CACNA2D3: variants seen among roughly 807,000 people sequenced by gnomAD.
CACNA2D3 encodes calcium voltage-gated channel auxiliary subunit alpha2delta 3.
Under a neutral mutation model 160.6 loss-of-function variants are expected in CACNA2D3, and 60 were observed. That is an observed-to-expected ratio of 0.37 (90% CI 0.30 to 0.46). The LOEUF is 0.46. CACNA2D3 is among the 20% of genes least tolerant of loss of function. CACNA2D3 has a pLI of 1.00. For missense variants in CACNA2D3, 1,205 were observed against 1,365.0 expected, an observed-to-expected ratio of 0.88 and a Z score of 1.85; for synonymous variants, 558 against 492.9, an observed-to-expected ratio of 1.13 and a Z score of -1.75.
chr3:54,151,274 G>GATGA (rs1302073658), intron 2 of CACNA2D3, among the ~76,000 whole-genome samples: 2 of 151,958 alleles, frequency 1.3e-5, no homozygotes, highest in African/African-American at 2.4e-5. Context: ...TGGGTGAATA[G>GATGA]ATGAATGAAT....
intron 35 of CACNA2D3, among the ~76,000 whole-genome samples, chr3:55,029,240 G>A (rs1177766952): frequency 6.6e-6 from 1 of 152,096 alleles, no homozygotes; most frequent in African/African-American, 2.4e-5. Flanking sequence ...ACTGAACTAT[G>A]GTCTGGGCTA....
chr3:54,370,608 G>T (rs1698909505), intron 3 of CACNA2D3, among the ~76,000 whole-genome samples: 1 of 152,158 alleles, frequency 6.6e-6, no homozygotes, highest in South Asian at 2.1e-4. Flanking sequence ...TACCCACTAA[G>T]TTATTGGTGG....
chr3:54,427,595 G>C (rs1023613189), intron 4 of CACNA2D3, among the ~76,000 whole-genome samples: 5 of 152,194 alleles, frequency 3.3e-5, no homozygotes, highest in Admixed American at 1.3e-4. Flanking sequence ...TGTGCCTCCT[G>C]TATTTTTATT....
Position 54,955,837 on chromosome 3 carries a change from C to T in CACNA2D3, c.2450-12613C>T, listed in dbSNP as rs763182098. On this transcript the variant is annotated intron_variant, in intron 27 of 37. Coordinates refer to ENST00000474759, the MANE Select transcript of CACNA2D3 (RefSeq NM_018398.3). ...CACAGCCCACCCTCAGGAGACCTGA[C>T]CAGCTAAGCCTGCTCACGAAACCTG... Among the ~76,000 whole-genome samples, 16 of 152,132 alleles carry T rather than the reference C, an allele frequency of 1.1e-4. 1 individual carries two copies. Among genetic ancestry groups the T allele is most frequent in the Admixed American group, 5.2e-4 (8 of 15,270 alleles).
intron 17 of CACNA2D3, among the ~76,000 whole-genome samples, chr3:54,864,550 G>A (rs1275095206): frequency 6.6e-6 from 1 of 152,178 alleles, no homozygotes; most frequent in Non-Finnish European, 1.5e-5. Context: ...GCGAGCCACT[G>A]TGCCTGGCTT....
chr3:55,074,391 T>TATCA lies in CACNA2D3; in HGVS notation c.*186_*189dup, dbSNP rs553310431. 619 of 508,486 alleles carry TATCA rather than the reference T, an allele frequency of 1.2e-3. No individual in the cohort carries two copies. The highest frequency in any genetic ancestry group is 3.2e-3 in the African/African-American group (141 of 44,474). 31.5% of individuals were successfully genotyped at this position (508,486 alleles called of 1,614,324 possible). On this transcript the variant is annotated 3_prime_UTR_variant, in exon 38 of 38. Transcript: ENST00000474759. The stretch of plus-strand genomic sequence containing the variant: ...AAAGATATGTTGACAAAAAGTTATC[T>TATCA]ATCATCTTTTTACTTTGCCAGTCAT...
intron 17 of CACNA2D3, among the ~76,000 whole-genome samples, chr3:54,849,841 G>T (rs1011454547): frequency 6.6e-6 from 1 of 152,092 alleles, no homozygotes; most frequent in Non-Finnish European, 1.5e-5. Flanking sequence ...CTTTGTTTCG[G>T]CCCCTACAGC....
At chr3:54,938,548 C>G (rs1001997299) in intron 27 of CACNA2D3, among the ~76,000 whole-genome samples, 3 of 152,040 alleles carry the variant, frequency 2.0e-5, no homozygotes, top group African/African-American at 7.2e-5. Context: ...TAATACAAAG[C>G]CAAGCATCAT....
intron 13 of CACNA2D3, among the ~76,000 whole-genome samples, chr3:54,790,060 T>G (rs1413659470): frequency 6.6e-6 from 1 of 152,180 alleles, no homozygotes; most frequent in African/African-American, 2.4e-5. Context: ...ATGGAGTGAT[T>G]CCTGGATTAC....
intron 2 of CACNA2D3, among the ~76,000 whole-genome samples, chr3:54,145,566 C>T (rs1156960455): frequency 6.6e-6 from 1 of 152,190 alleles, no homozygotes; most frequent in Non-Finnish European, 1.5e-5. Flanking sequence ...TTATATGCAG[C>T]AGAGCCTAGC....
intron 2 of CACNA2D3, among the ~76,000 whole-genome samples, chr3:54,288,936 A>G (rs958634687): frequency 6.6e-5 from 10 of 152,340 alleles, no homozygotes; most frequent in African/African-American, 2.2e-4. Context: ...AATAAGAGCT[A>G]TCTATGACAA....
At chr3:54,550,912 C>G (rs1454843658) in intron 5 of CACNA2D3, among the ~76,000 whole-genome samples, 1 of 152,196 alleles carries the variant, frequency 6.6e-6, no homozygotes, top group Non-Finnish European at 1.5e-5. Flanking sequence ...GTCCCACTGG[C>G]TTCTCTCCCT....
intron 2 of CACNA2D3, among the ~76,000 whole-genome samples, chr3:54,146,861 A>G (rs1700040206): frequency 6.6e-6 from 1 of 152,236 alleles, no homozygotes; most frequent in African/African-American, 2.4e-5. Flanking sequence ...GAGGCTGCGC[A>G]GGGCTCTGTC....
chr3:54,829,683 A>G (rs1477255670), intron 14 of CACNA2D3, among the ~76,000 whole-genome samples: 1 of 151,890 alleles, frequency 6.6e-6, no homozygotes, highest in Non-Finnish European at 1.5e-5. Flanking sequence ...TAACCCTATT[A>G]TGTGCTACCC....
chr3:54,919,820 T>C (rs1475562499), intron 27 of CACNA2D3, among the ~76,000 whole-genome samples: 1 of 152,232 alleles, frequency 6.6e-6, no homozygotes, highest in Non-Finnish European at 1.5e-5. Context: ...AGGTAACTCT[T>C]GTCCAGACTC....
At chr3:54,772,783 A>G (rs1486111205) in intron 13 of CACNA2D3, among the ~76,000 whole-genome samples, 1 of 152,216 alleles carries the variant, frequency 6.6e-6, no homozygotes, top group Non-Finnish European at 1.5e-5. Flanking sequence ...AAAATCATTA[A>G]CAATGGAATT....
At chr3:54,875,082 CTT>C (rs1300788932) in intron 18 of CACNA2D3, 1 of 152,062 alleles carries the variant, frequency 6.6e-6, no homozygotes, top group Non-Finnish European at 1.5e-5. Flanking sequence ...TCTCCGGAGT[CTT>C]TTTTGCCCGA....
At chr3:54,779,362 G>A (rs1702489396) in intron 13 of CACNA2D3, among the ~76,000 whole-genome samples, 1 of 152,178 alleles carries the variant, frequency 6.6e-6, no homozygotes, top group African/African-American at 2.4e-5. Flanking sequence ...GCCTCCCGAA[G>A]TGCTGAGATT....
At chr3:54,442,101 G>C (rs1190731919) in intron 4 of CACNA2D3, among the ~76,000 whole-genome samples, 2 of 152,152 alleles carry the variant, frequency 1.3e-5, no homozygotes, top group African/African-American at 4.8e-5. Flanking sequence ...GTACCACCGT[G>C]TCCAGCTCAT....
Sources: allele counts gnomAD v4.1 joint callset (sites outside exome capture counted in the v4.1 genomes callset), GRCh38; gene constraint gnomAD v4.1.1; transcripts MANE v1.5; gene names NCBI Gene and HGNC (gene_info 2026-07-23, HGNC 2026-07-21).